Variants in PEX5L observed in about 807,000 individuals in gnomAD.
PEX5L encodes peroxisomal biogenesis factor 5 like, also known as PEX5-related protein.
Under a neutral mutation model 84.0 loss-of-function variants are expected in PEX5L, and 30 were observed. The ratio of observed to expected loss-of-function variants is 0.36; its 90% CI spans 0.27 to 0.48. PEX5L has a LOEUF of 0.48. Among genes scored for constraint, PEX5L ranks in the 20% least tolerant of loss-of-function variants. The pLI is 0.99. For missense variants in PEX5L, 533 were observed against 754.6 expected (o/e 0.71, Z 3.44); for synonymous variants, 270 against 283.1 (o/e 0.95, Z 0.46).
chr3:179,993,600 A>T (rs909853610), intron 1 of PEX5L, among the ~76,000 whole-genome samples: 2 of 152,080 alleles, frequency 1.3e-5, no homozygotes, highest in Non-Finnish European at 2.9e-5. Context: ...CCCATGTTCA[A>T]GTGATTCTCC....
chr3:180,032,255 A>G (rs1791529525), intron 1 of PEX5L, among the ~76,000 whole-genome samples: 2 of 152,208 alleles, frequency 1.3e-5, no homozygotes, highest in Admixed American at 1.3e-4. Flanking sequence ...TTAATATTTC[A>G]TCATACTTAT....
At chr3:179,874,148 T>TATAC (rs1491544560) in intron 7 of PEX5L, among the ~76,000 whole-genome samples, 179 bp downstream of exon 7, 57 of 149,256 alleles carry the variant, frequency 3.8e-4, no homozygotes, top group African/African-American at 1.2e-3. Context: ...TATATATATA[T>TATAC]ACACACACAC....
rs1370331196 is a variant in PEX5L, at chr3:179,800,150, T to C, written c.*1678A>G. ...AGATGTAACAGAGGAGAGGATTTTA[T>C]TCCTGTACCTCGCATTCAATTGATA... On this transcript the variant is annotated 3_prime_UTR_variant, in exon 15 of 15. Transcript: ENST00000467460. 2 of 152,226 alleles carry C rather than the reference T, an allele frequency of 1.3e-5. No individual in the cohort carries two copies. Among genetic ancestry groups the C allele is most frequent in the Non-Finnish European group, 2.9e-5 (2 of 68,048 alleles). The allele number at this position is 152,226 out of a possible 1,614,324, so 9.4% of individuals were successfully genotyped here. A position where few individuals can be genotyped will look rare whatever the true frequency, so the allele number is the denominator to read the frequency against.
chr3:179,845,751 C>T (rs73058657), intron 8 of PEX5L, among the ~76,000 whole-genome samples: 1,546 of 152,268 alleles, frequency 0.01, 26 homozygotes, highest in African/African-American at 0.035. Flanking sequence ...GATTTCAGCC[C>T]CTTCTCCACC....
At chr3:179,938,835 C>T (rs1775311051) in intron 2 of PEX5L, among the ~76,000 whole-genome samples, 1 of 152,196 alleles carries the variant, frequency 6.6e-6, no homozygotes, top group Admixed American at 6.5e-5. Context: ...CTGCTTCCTG[C>T]AGGGTGTGAG....
chr3:179,903,142 C>A (rs945573046), intron 2 of PEX5L, among the ~76,000 whole-genome samples: 1 of 152,042 alleles, frequency 6.6e-6, no homozygotes, highest in African/African-American at 2.4e-5. Context: ...TAAGATCAAG[C>A]CTACAAGTAT....
chr3:179,885,604 C>A (rs1165628283), intron 4 of PEX5L, among the ~76,000 whole-genome samples: 1 of 151,662 alleles, frequency 6.6e-6, no homozygotes, highest in East Asian at 1.9e-4. Context: ...CGAGATCGTG[C>A]CACTGCACTC....
chr3:180,027,146 G>C (rs768381474), intron 1 of PEX5L, among the ~76,000 whole-genome samples: 4 of 152,090 alleles, frequency 2.6e-5, no homozygotes, highest in Non-Finnish European at 5.9e-5. Context: ...GGGTAGTTGC[G>C]GAACCAGTGT....
At chr3:179,817,249 A>G (rs531543542) in intron 9 of PEX5L, among the ~76,000 whole-genome samples, 1 of 152,348 alleles carries the variant, frequency 6.6e-6, no homozygotes, top group South Asian at 2.1e-4. Context: ...GGATGTATAA[A>G]TAACTGGTAT....
Position 180,020,080 on chromosome 3 carries a change from T to G in PEX5L, c.21+16499A>C, listed in dbSNP as rs1579372061. ...CTTGGATTAACATCTCATCGAAAAT[T>G]TCCCCCATGTCTTCAAAACCAGAAG... On this transcript the variant is annotated intron_variant, in intron 1 of 14. Transcript: ENST00000467460. Among the ~76,000 whole-genome samples, 6 of 152,262 alleles carry G rather than the reference T, an allele frequency of 3.9e-5. No homozygotes were observed. The South Asian group carries it at 1.0e-3, about 26-fold the overall frequency.
chr3:179,957,391 C>T (rs1218806301), intron 2 of PEX5L, among the ~76,000 whole-genome samples: 2 of 152,012 alleles, frequency 1.3e-5, no homozygotes, highest in Non-Finnish European at 2.9e-5. Flanking sequence ...TTGGGAGGAT[C>T]ACAGAAGGAA....
At chr3:179,874,473 G>T in intron 6 of PEX5L, 50 bp from the exon 7 acceptor site, 2 of 956,380 alleles carry the variant, frequency 2.1e-6, no homozygotes, top group Non-Finnish European at 3.3e-6. Flanking sequence ...AACAAATTAA[G>T]CTATAAATCC....
chr3:179,820,147 A>C, intron 8 of PEX5L, 171 bp from the exon 9 acceptor site: 1 of 781,316 alleles, frequency 1.3e-6, no homozygotes, highest in Non-Finnish European at 2.0e-6. Context: ...CACTGGTCAG[A>C]GTGTTGAAGT....
Position 179,987,279 on chromosome 3 carries a change from C to A in PEX5L, c.22-15614G>T, listed in dbSNP as rs531828138. Among the ~76,000 whole-genome samples the A allele has an allele frequency of 4.0e-5, 6 of 150,392 alleles. No individual in the cohort carries two copies. In the East Asian group the frequency reaches 1.2e-3, roughly 30 times the overall value. On this transcript the variant is annotated intron_variant, in intron 1 of 14. Transcript: ENST00000467460. Reference sequence around the variant, plus strand: ...TCCTTCCTTCCTTTCTTCCTTCCTTCCTCCTTCATTCCTCCCTTTCTCTTC... The same window carrying A: ...TCCTTCCTTCCTTTCTTCCTTCCTTACTCCTTCATTCCTCCCTTTCTCTTC...
chr3:179,840,889 A>G (rs2109353305), intron 8 of PEX5L, among the ~76,000 whole-genome samples: 1 of 152,244 alleles, frequency 6.6e-6, no homozygotes, highest in South Asian at 2.1e-4. Flanking sequence ...AATATTAGAC[A>G]CCCAAGTAGC....
intron 1 of PEX5L, among the ~76,000 whole-genome samples, chr3:179,993,025 T>TA (rs200302621): frequency 1.3e-4 from 19 of 150,318 alleles, no homozygotes; most frequent in Middle Eastern, 3.4e-3. Context: ...GGATAACACT[T>TA]AAAAAAAAAC....
chr3:179,864,264 T>C (rs926658809), intron 7 of PEX5L, among the ~76,000 whole-genome samples: 8 of 152,100 alleles, frequency 5.3e-5, no homozygotes, highest in Non-Finnish European at 5.9e-5. Flanking sequence ...TTATTCACAA[T>C]AGCCAAGATA....
intron 8 of PEX5L, among the ~76,000 whole-genome samples, chr3:179,843,825 T>G (rs1269837733): frequency 6.6e-6 from 1 of 152,254 alleles, no homozygotes; most frequent in African/African-American, 2.4e-5. Flanking sequence ...GCCACATATC[T>G]ATCTACCTTT....
chr3:179,948,313 TC>T (rs1398278567), intron 2 of PEX5L, among the ~76,000 whole-genome samples: 5 of 152,208 alleles, frequency 3.3e-5, no homozygotes, highest in African/African-American at 1.2e-4. Flanking sequence ...CCTGAGCAAT[TC>T]TCACCTAGCA....
Sources: allele counts gnomAD v4.1 joint callset (sites outside exome capture counted in the v4.1 genomes callset), GRCh38; gene constraint gnomAD v4.1.1; transcripts MANE v1.5; gene names NCBI Gene and HGNC (gene_info 2026-07-23, HGNC 2026-07-21).